The following ZNF512 variants were observed in gnomAD, a reference collection of about 807,000 sequenced individuals.
The protein encoded by ZNF512 is zinc finger protein 512.
ZNF512 carries 25 observed loss-of-function variants against 77.5 expected under a neutral mutation model. The observed-to-expected ratio is 0.32, with a 90% CI of 0.23 to 0.45. The LOEUF is 0.45. Among genes scored for constraint, ZNF512 ranks in the 20% least tolerant of loss-of-function variants. ZNF512 has a pLI of 1.00. For synonymous variants in ZNF512, 246 were observed against 239.9 expected, an observed-to-expected ratio of 1.03 and a Z score of -0.24; for missense variants, 483 against 692.6, an observed-to-expected ratio of 0.70 and a Z score of 3.40.
At chr2:27,610,650 G>A (rs1283152777) in intron 10 of ZNF512, among the ~76,000 whole-genome samples, 5 of 128,530 alleles carry the variant, frequency 3.9e-5, no homozygotes, top group Non-Finnish European at 7.9e-5. Context: ...GCGTGATCTC[G>A]GTTCACTGCA....
At chr2:27,597,283 G>T (rs1281677187) in intron 2 of ZNF512, among the ~76,000 whole-genome samples, 1 of 152,202 alleles carries the variant, frequency 6.6e-6, no homozygotes, top group Non-Finnish European at 1.5e-5. Flanking sequence ...AGAGCAGCCA[G>T]AAGGATCTTT....
intron 10 of ZNF512, among the ~76,000 whole-genome samples, chr2:27,608,799 A>G (rs1333380238): frequency 6.6e-6 from 1 of 152,032 alleles, no homozygotes; most frequent in Non-Finnish European, 1.5e-5. Flanking sequence ...GACATATGTG[A>G]GAGGAATGTT....
intron 10 of ZNF512, among the ~76,000 whole-genome samples, chr2:27,609,257 T>G (rs1354756429): frequency 2.6e-5 from 4 of 152,224 alleles, no homozygotes; most frequent in Non-Finnish European, 5.9e-5. Flanking sequence ...GATTGTATTT[T>G]TGAATATTAG....
In ZNF512 at chr2:27,583,692, G is replaced by A; in HGVS notation, c.65G>A (p.Ser22Asn). The change falls in exon 2 of 14, where the codon AGC becomes AAC. Residue 22 changes from serine to asparagine, a missense_variant. Ser to Asn is a conservative substitution (Grantham distance 46). Transcript: ENST00000355467. ...SGPTTFKQQRSTRIVGAKNSR... is the reference protein window; with the variant it reads ...SGPTTFKQQRNTRIVGAKNSR... ...CCCACAACCTTTAAGCAGCAGAGGA[G>A]CACGAGGATCGTGGGAGCTAAGAAG... 1.2e-6 allele frequency: 2 copies of A among 1,614,188 alleles called. No individual in the cohort carries two copies. The highest frequency in any genetic ancestry group is 2.2e-5 in the East Asian group (1 of 44,884).
intron 10 of ZNF512, among the ~76,000 whole-genome samples, chr2:27,611,096 C>T (rs1208700533): frequency 1.3e-5 from 2 of 152,080 alleles, no homozygotes; most frequent in Non-Finnish European, 2.9e-5. Context: ...TCTTGATGTA[C>T]ATATAAGCAA....
intron 9 of ZNF512, among the ~76,000 whole-genome samples, chr2:27,607,196 C>T (rs1672405951): frequency 6.6e-6 from 1 of 152,074 alleles, no homozygotes; most frequent in South Asian, 2.1e-4. Flanking sequence ...ATCAAAAAAC[C>T]GTCATACACA....
In ZNF512 at chr2:27,599,989, A is replaced by G. The variant is rs1164611691; in HGVS notation, c.393A>G (p.Lys131=). The G allele has an allele frequency of 1.2e-6, 2 of 1,614,090 alleles. No individual in the cohort carries two copies. The highest frequency in any genetic ancestry group is 1.7e-6 in the Non-Finnish European group (2 of 1,180,042). The change falls in exon 5 of 14, where the codon AAA becomes AAG. Residue 131 remains lysine (K), a synonymous_variant. Coordinates refer to ENST00000355467, the MANE Select transcript of ZNF512 (RefSeq NM_032434.4). ...HKLYGRKQRP[K]TQPNPKSQAR... ...TGTCAGGGAGGAAGCAACGGCCTAA[A>G]ACTCAGCCCAATCCCAAATCCCAGG...
At chr2:27,608,449 A>T (rs1423480303) in intron 10 of ZNF512, among the ~76,000 whole-genome samples, 1 of 152,214 alleles carries the variant, frequency 6.6e-6, no homozygotes, top group Non-Finnish European at 1.5e-5. Flanking sequence ...AGTATATAAA[A>T]TAACTTAAAA....
At chr2:27,608,095 T>A in intron 10 of ZNF512, 56 bp downstream of exon 10, 1 of 1,465,562 alleles carries the variant, frequency 6.8e-7, no homozygotes, top group South Asian at 1.4e-5. Context: ...TTGTGCCTAC[T>A]GTACACAGAG....
chr2:27,610,305 A>G (rs1420594510), intron 10 of ZNF512, among the ~76,000 whole-genome samples: 1 of 148,902 alleles, frequency 6.7e-6, no homozygotes, highest in Non-Finnish European at 1.5e-5. Flanking sequence ...CAGAGGTTGC[A>G]GTGAGCCGAG....
chr2:27,605,386 G>A (rs1401703266), intron 9 of ZNF512, among the ~76,000 whole-genome samples: 1 of 151,924 alleles, frequency 6.6e-6, no homozygotes, highest in African/African-American at 2.4e-5. Context: ...CCCAGGAGGC[G>A]GAGATTGCAG....
intron 5 of ZNF512, 71 bp from the exon 6 acceptor site, chr2:27,600,620 A>C: frequency 1.2e-4 from 178 of 1,535,536 alleles, no homozygotes; most frequent in Non-Finnish European, 1.4e-4. Context: ...CTTTTCCTAA[A>C]TCGTGGGATT....
Position 27,615,228 on chromosome 2 carries a change from A to G in ZNF512, c.1192A>G (p.Thr398Ala), listed in dbSNP as rs767133483. 6 of 1,607,134 alleles carry G rather than the reference A, an allele frequency of 3.7e-6. No homozygotes were observed. The South Asian group carries it at 4.5e-5, about 12-fold the overall frequency. ...CCAGGAAGTACTACATAAATGGAAG[A>G]CAGATATCAAGAAATATCATCGTAT... is the stretch of plus-strand genomic sequence containing the variant. ...FSQEVLHKWK[T>A]DIKKYHRIQC... Residue 398 changes from threonine (T) to alanine (A), a missense_variant, in exon 11 of 14, where the codon ACA becomes GCA. Coordinates refer to ENST00000355467, the MANE Select transcript of ZNF512 (RefSeq NM_032434.4).
intron 4 of ZNF512, 58 bp downstream of exon 4, chr2:27,599,736 GGGTAAA>G (rs1229103239): frequency 2.0e-6 from 3 of 1,512,988 alleles, no homozygotes; most frequent in African/African-American, 2.8e-5. Flanking sequence ...TATTCTTTGA[GGGTAAA>G]GGAAAGAGAA....
intron 9 of ZNF512, 29 bp downstream of exon 9, chr2:27,603,336 C>T (rs201083851): frequency 8.1e-6 from 13 of 1,608,260 alleles, no homozygotes; most frequent in Admixed American, 3.3e-5. Context: ...CTATACCCTG[C>T]GTGGGGATGT....
intron 2 of ZNF512, among the ~76,000 whole-genome samples, chr2:27,589,083 A>C (rs946067605): frequency 6.6e-6 from 1 of 152,138 alleles, no homozygotes; most frequent in Non-Finnish European, 1.5e-5. Flanking sequence ...ACACTTTATA[A>C]ATTAATTTAT....
At chr2:27,601,491 T>C in intron 7 of ZNF512, 49 bp downstream of exon 7, 1 of 1,498,070 alleles carries the variant, frequency 6.7e-7, no homozygotes. Context: ...CTTTTTTTTT[T>C]TGAGATGGAG....
chr2:27,604,349 G>A (rs1361998051), intron 9 of ZNF512, among the ~76,000 whole-genome samples: 1 of 151,848 alleles, frequency 6.6e-6, no homozygotes, highest in African/African-American at 2.4e-5. Flanking sequence ...CATTTCCAAG[G>A]TTTCCCACCC....
chr2:27,616,311 G>C lies in ZNF512; in HGVS notation c.1283G>C (p.Gly428Ala). Residue 428 changes from glycine (G) to alanine (A), a missense_variant, in exon 12 of 14, where the codon GGC (glycine) becomes GCC (alanine). By Grantham distance (60) the Gly-to-Ala change is moderately conservative (BLOSUM62 0). Transcript: ENST00000355467. ...GTATCTGGCCTTAAAGCTCACCTGGGCTCTTGTACATTGGTTTGTAACTTT... is the reference window on the plus strand; with the variant it reads ...GTATCTGGCCTTAAAGCTCACCTGGCCTCTTGTACATTGGTTTGTAACTTT... ...SSVSGLKAHL[G>A]SCTLGNFVAG... 1 of 1,613,814 alleles carries C rather than the reference G, an allele frequency of 6.2e-7. No individual in the cohort carries two copies. The highest frequency in any genetic ancestry group is 8.5e-7 in the Non-Finnish European group (1 of 1,179,704).
Sources: gnomAD v4.1 joint callset for allele counts (sites outside exome capture counted in the v4.1 genomes callset) on GRCh38, gnomAD v4.1.1 for gene constraint, MANE v1.5 for transcripts, NCBI Gene and HGNC (gene_info 2026-07-23, HGNC 2026-07-21) for gene names.